CNTNAP3B: variants seen among roughly 807,000 people sequenced by gnomAD.
CNTNAP3B encodes contactin associated protein family member 3B, also known as contactin-associated protein-like 3B.
Under a neutral mutation model 108.9 loss-of-function variants are expected in CNTNAP3B, and 25 were observed. The observed-to-expected ratio is 0.23, with a 90% CI of 0.17 to 0.32. The LOEUF is 0.32. CNTNAP3B is among the 10% of genes least tolerant of loss of function. CNTNAP3B has a pLI of 1.00. For missense variants in CNTNAP3B, 252 were observed against 1,210.4 expected (o/e 0.21, Z 11.75); for synonymous variants, 103 against 473.4 (o/e 0.22, Z 10.16).
At chr9:42,086,890 G>A (rs1403635178) in intron 2 of CNTNAP3B, among the ~76,000 whole-genome samples, 1 of 101,642 alleles carries the variant, frequency 9.8e-6, no homozygotes, top group East Asian at 4.0e-4. Context: ...CACCAACAAA[G>A]TATGACAATT....
chr9:41,997,395 T>C (rs1312369240), intron 6 of CNTNAP3B, among the ~76,000 whole-genome samples, 173 bp downstream of exon 6: 2 of 152,190 alleles, frequency 1.3e-5, no homozygotes, highest in Non-Finnish European at 2.9e-5. Flanking sequence ...GAAAAGATGA[T>C]CTATTATAAT....
intron 4 of CNTNAP3B, among the ~76,000 whole-genome samples, chr9:42,012,591 C>T (rs1217155436): frequency 7.7e-6 from 1 of 129,566 alleles, no homozygotes; most frequent in African/African-American, 3.1e-5. Flanking sequence ...TCCGGCCGGA[C>T]CCAAATTGAA....
intron 2 of CNTNAP3B, among the ~76,000 whole-genome samples, chr9:42,082,742 A>G (rs1467781262): frequency 4.5e-5 from 6 of 133,160 alleles, no homozygotes; most frequent in Non-Finnish European, 7.9e-5. Flanking sequence ...TATAAAATGT[A>G]TTCTCTTACA....
chr9:41,965,027 G>A (rs1337279982), intron 10 of CNTNAP3B, among the ~76,000 whole-genome samples: 1 of 152,278 alleles, frequency 6.6e-6, no homozygotes, highest in Non-Finnish European at 1.5e-5. Flanking sequence ...GGAAGATACA[G>A]AGGGGAGAAG....
intron 14 of CNTNAP3B, among the ~76,000 whole-genome samples, chr9:41,931,073 T>A (rs1335819271): frequency 1.3e-5 from 2 of 152,304 alleles, no homozygotes; most frequent in Non-Finnish European, 2.9e-5. Context: ...ATTTTTTAAA[T>A]TGCCCAGTTC....
intron 10 of CNTNAP3B, among the ~76,000 whole-genome samples, chr9:41,965,274 A>C (rs1421397378): frequency 6.6e-6 from 1 of 152,262 alleles, no homozygotes; most frequent in Non-Finnish European, 1.5e-5. Flanking sequence ...CCATCCTAAA[A>C]TTCACAGGGA....
At position 42,119,965 on chromosome 9, in the gene CNTNAP3B, A is replaced by G. The variant is rs1354012146; in HGVS notation, c.85+9045T>C. ...AAAAGCAATGGCAACAAAAGCCAAA[A>G]TTGACAAATGGGATCTAATTAAACT... On this transcript the variant is annotated intron_variant, in intron 1 of 23. Coordinates refer to ENST00000377561, the MANE Select transcript of CNTNAP3B (RefSeq NM_001201380.3). Among the ~76,000 whole-genome samples, 6 of 142,198 alleles carry G rather than the reference A, an allele frequency of 4.2e-5. 1 individual carries two copies. The highest frequency in any genetic ancestry group is 1.6e-4 in the African/African-American group (6 of 36,450). 93.3% of individuals were successfully genotyped at this position (142,198 alleles called of 152,430 possible).
At position 42,127,339 on chromosome 9, in the gene CNTNAP3B, G is replaced by T. The variant is rs1389029001; in HGVS notation, c.85+1671C>A. ...TATGGGCTTTGTAATCCTTCCACTG[G>T]ATTCCAAGCAAAATAACTATCAATA... On this transcript the variant is annotated intron_variant, in intron 1 of 23. Transcript: ENST00000377561. Among the ~76,000 whole-genome samples the T allele has an allele frequency of 4.3e-5, 6 of 138,994 alleles. 1 individual carries two copies. The highest frequency in any genetic ancestry group is 4.3e-4 in the Admixed American group (6 of 13,974). 91.2% of individuals were successfully genotyped at this position (138,994 alleles called of 152,430 possible). A position where few individuals can be genotyped will look rare whatever the true frequency, so the allele number is the denominator to read the frequency against.
chr9:41,981,155 A>G (rs1825622567), intron 9 of CNTNAP3B, among the ~76,000 whole-genome samples: 1 of 130,452 alleles, frequency 7.7e-6, no homozygotes, highest in Non-Finnish European at 1.6e-5. Flanking sequence ...CACAAAAAGA[A>G]TAAACTACCT....
intron 3 of CNTNAP3B, among the ~76,000 whole-genome samples, chr9:42,044,681 A>G (rs555787017): frequency 2.0e-5 from 3 of 147,932 alleles, no homozygotes; most frequent in African/African-American, 7.7e-5. Flanking sequence ...ACAGAGAACT[A>G]GAAAAGACTA....
intron 3 of CNTNAP3B, among the ~76,000 whole-genome samples, chr9:42,075,016 G>C (rs1454652387): frequency 1.7e-4 from 25 of 146,348 alleles, no homozygotes; most frequent in African/African-American, 2.7e-5. Context: ...AGGCTCTAGG[G>C]AGGGATCTGT....
At chr9:42,068,051 C>A (rs57831397) in intron 3 of CNTNAP3B, among the ~76,000 whole-genome samples, 1 of 137,186 alleles carries the variant, frequency 7.3e-6, no homozygotes, top group East Asian at 2.2e-4. Context: ...AGCAGTAAAA[C>A]AGAGGATACT....
At chr9:42,033,055 A>C (rs1428324292) in intron 3 of CNTNAP3B, among the ~76,000 whole-genome samples, 1 of 143,176 alleles carries the variant, frequency 7.0e-6, no homozygotes, top group Non-Finnish European at 1.5e-5. Context: ...TCCATACAGC[A>C]CTCCATGTGA....
chr9:42,116,648 G>T (rs1828324297), intron 1 of CNTNAP3B, among the ~76,000 whole-genome samples: 1 of 139,554 alleles, frequency 7.2e-6, no homozygotes, highest in East Asian at 2.2e-4. Flanking sequence ...ACATCATAAT[G>T]ACAGGATCAA....
chr9:42,003,238 A>G (rs529322226), intron 4 of CNTNAP3B, among the ~76,000 whole-genome samples: 1 of 127,500 alleles, frequency 7.8e-6, no homozygotes, highest in East Asian at 2.3e-4. Flanking sequence ...CTGGCTTCTC[A>G]TTACTACTTT....
chr9:41,961,158 T>C (rs1272134261), intron 11 of CNTNAP3B, among the ~76,000 whole-genome samples: 1 of 152,308 alleles, frequency 6.6e-6, no homozygotes, highest in Non-Finnish European at 1.5e-5. Flanking sequence ...AAATATTCGG[T>C]CACAGTGTAT....
At chr9:42,028,913 A>G (rs1826459398) in intron 3 of CNTNAP3B, among the ~76,000 whole-genome samples, 1 of 151,942 alleles carries the variant, frequency 6.6e-6, no homozygotes, top group Admixed American at 6.6e-5. Context: ...AGAAGCTTTC[A>G]TAAATAAATT....
At chr9:41,939,839 A>T (rs531457644) in intron 13 of CNTNAP3B, among the ~76,000 whole-genome samples, 2,625 of 151,074 alleles carry the variant, frequency 0.017, no homozygotes, top group African/African-American at 0.062. Context: ...AAGATCTTGT[A>T]GACTTGTCTA....
rs1157301628 is a variant in CNTNAP3B, at chr9:42,125,989, C to T, written c.85+3021G>A. ...TCTGTTACTCATCTGCAGAATCTCT[C>T]TTAAAATGGTATTACTAAAAGGTCC... On this transcript the variant is annotated intron_variant, in intron 1 of 23. Coordinates refer to ENST00000377561, the MANE Select transcript of CNTNAP3B (RefSeq NM_001201380.3). Among the ~76,000 whole-genome samples, 5 of 133,140 alleles carry T rather than the reference C, an allele frequency of 3.8e-5. 1 individual carries two copies. Among genetic ancestry groups the T allele is most frequent in the South Asian group, 5.0e-4 (2 of 4,036 alleles). 87.3% of individuals were successfully genotyped at this position (133,140 alleles called of 152,430 possible). A position where few individuals can be genotyped will look rare whatever the true frequency, so the allele number is the denominator to read the frequency against.
Sources: allele counts gnomAD v4.1 joint callset (sites outside exome capture counted in the v4.1 genomes callset), GRCh38; gene constraint gnomAD v4.1.1; transcripts MANE v1.5; gene names NCBI Gene and HGNC (gene_info 2026-07-23, HGNC 2026-07-21).